LRP1B: variants seen among roughly 807,000 people sequenced by gnomAD.
LRP1B encodes the protein LDL receptor related protein 1B, also known as low-density lipoprotein receptor-related protein 1B.
In LRP1B, 217 loss-of-function variants were observed where a neutral mutation model predicts 556.6. The observed-to-expected ratio is 0.39, with a 90% CI of 0.35 to 0.44. The LOEUF is 0.44. Among genes scored for constraint, LRP1B ranks in the 20% least tolerant of loss-of-function variants. The pLI is 1.00. For synonymous variants in LRP1B, 2,047 were observed against 1,865.8 expected, an observed-to-expected ratio of 1.10 and a Z score of -2.50; for missense variants, 5,053 against 5,620.8, an observed-to-expected ratio of 0.90 and a Z score of 3.23.
At chr2:141,728,103 A>G (rs930170686) in intron 2 of LRP1B, among the ~76,000 whole-genome samples, 2 of 152,148 alleles carry the variant, frequency 1.3e-5, no homozygotes, top group Non-Finnish European at 2.9e-5. Context: ...ACTGAGGGTG[A>G]AATGTTCCGC....
intron 2 of LRP1B, among the ~76,000 whole-genome samples, chr2:141,792,930 G>A (rs1695668060): frequency 6.6e-6 from 1 of 151,896 alleles, no homozygotes; most frequent in South Asian, 2.1e-4. Context: ...GTCTTTCATA[G>A]GCAGTCCATT....
At chr2:140,569,063 A>G (rs188468777) in intron 43 of LRP1B, among the ~76,000 whole-genome samples, 6 of 152,162 alleles carry the variant, frequency 3.9e-5, no homozygotes, top group Admixed American at 2.0e-4. Context: ...AAGCAGATGC[A>G]CAAGATGCAC....
intron 2 of LRP1B, among the ~76,000 whole-genome samples, chr2:141,534,041 AAG>A (rs1050374256): frequency 4.6e-5 from 6 of 130,956 alleles, no homozygotes; most frequent in African/African-American, 1.5e-4. Flanking sequence ...GAGAAGGAAA[AAG>A]AGAAAGAGAG....
At chr2:141,923,390 A>G (rs1700241521) in intron 1 of LRP1B, among the ~76,000 whole-genome samples, 1 of 24,646 alleles carries the variant, frequency 4.1e-5, no homozygotes, top group Non-Finnish European at 8.3e-5. Context: ...TTTTAATGAA[A>G]TTATCTCTGT....
At chr2:141,924,595 T>C (rs1400303901) in intron 1 of LRP1B, among the ~76,000 whole-genome samples, 1 of 152,102 alleles carries the variant, frequency 6.6e-6, no homozygotes, top group Non-Finnish European at 1.5e-5. Context: ...CCCTAGATAC[T>C]ACCATGAGGC....
chr2:140,800,741 G>A lies in LRP1B; in HGVS notation c.5359+12916C>T, dbSNP rs145231760. Among the ~76,000 whole-genome samples, 932 of 151,938 alleles carry A rather than the reference G, an allele frequency of 6.1e-3. 13 individuals are homozygous for A. The highest frequency in any genetic ancestry group is 0.021 in the African/African-American group (876 of 41,428). On this transcript the variant is annotated intron_variant, in intron 32 of 90. Transcript: ENST00000389484. ...TTTGTTTTTGTTTTCCTTCCATTAAGCTATTTATTTTCTATGAAAACAGAC... is the reference window on the plus strand; with the variant it reads ...TTTGTTTTTGTTTTCCTTCCATTAAACTATTTATTTTCTATGAAAACAGAC...
chr2:140,281,580 T>A (rs1682914584), intron 84 of LRP1B, among the ~76,000 whole-genome samples: 1 of 151,880 alleles, frequency 6.6e-6, no homozygotes, highest in South Asian at 2.1e-4. Context: ...CACTTATTGT[T>A]CTACTTCACT....
chr2:140,232,166 C>T lies in LRP1B; in HGVS notation c.*1020G>A, dbSNP rs533173917. ...TCATATTAAATCTTGAAAATATTTGCCAATCACTCTGTATACTAAAATGTC... is the reference window on the plus strand; with the variant it reads ...TCATATTAAATCTTGAAAATATTTGTCAATCACTCTGTATACTAAAATGTC... On this transcript the variant is annotated 3_prime_UTR_variant, in exon 91 of 91. Coordinates refer to ENST00000389484, the MANE Select transcript of LRP1B (RefSeq NM_018557.3). 9 of 150,294 alleles carry T rather than the reference C, an allele frequency of 6.0e-5. No homozygotes were observed. In the South Asian group the frequency reaches 1.3e-3, roughly 21 times the overall value. 9.3% of individuals were successfully genotyped at this position (150,294 alleles called of 1,614,324 possible).
At chr2:141,680,417 C>T (rs752033192) in intron 2 of LRP1B, among the ~76,000 whole-genome samples, 17 of 151,956 alleles carry the variant, frequency 1.1e-4, no homozygotes, top group East Asian at 3.9e-4. Context: ...GAAAAATAAG[C>T]GGGAAACTTC....
At chr2:140,920,960 T>A (rs1370516654) in intron 21 of LRP1B, among the ~76,000 whole-genome samples, 3 of 152,014 alleles carry the variant, frequency 2.0e-5, no homozygotes, top group African/African-American at 7.2e-5. Flanking sequence ...CTCATCATAC[T>A]TCAGATTTAT....
chr2:141,571,403 C>T (rs576694878), intron 2 of LRP1B, among the ~76,000 whole-genome samples: 6 of 139,986 alleles, frequency 4.3e-5, no homozygotes, highest in Non-Finnish European at 6.7e-5. Flanking sequence ...AATGCCCCAA[C>T]GAAAACCTCA....
intron 65 of LRP1B, among the ~76,000 whole-genome samples, chr2:140,443,923 A>G (rs1686539148): frequency 1.3e-5 from 2 of 152,208 alleles, no homozygotes; most frequent in South Asian, 4.1e-4. Flanking sequence ...CATGTATTTC[A>G]TGGAGAAAAC....
chr2:140,812,163 G>A (rs1690950886), intron 32 of LRP1B, among the ~76,000 whole-genome samples: 1 of 152,074 alleles, frequency 6.6e-6, no homozygotes, highest in Admixed American at 6.6e-5. Context: ...CCCAACTAGG[G>A]AAACGTAGAG....
chr2:141,890,495 A>G (rs1017425445), intron 1 of LRP1B, among the ~76,000 whole-genome samples: 2 of 151,538 alleles, frequency 1.3e-5, no homozygotes, highest in African/African-American at 4.8e-5. Flanking sequence ...GCAAGTATAT[A>G]TCATTGACAA....
intron 3 of LRP1B, among the ~76,000 whole-genome samples, chr2:141,282,820 TATA>T (rs1685558322): frequency 6.6e-6 from 1 of 152,144 alleles, no homozygotes; most frequent in Non-Finnish European, 1.5e-5. Context: ...AAAGAAAAAG[TATA>T]AGACTTCTTC....
chr2:141,645,036 T>A (rs990508308), intron 2 of LRP1B, among the ~76,000 whole-genome samples: 7 of 152,082 alleles, frequency 4.6e-5, no homozygotes, highest in African/African-American at 1.7e-4. Flanking sequence ...TTCAAGCTGA[T>A]GATATAATGA....
chr2:141,631,971 G>C (rs1042290725), intron 2 of LRP1B, among the ~76,000 whole-genome samples: 1 of 151,946 alleles, frequency 6.6e-6, no homozygotes, highest in African/African-American at 2.4e-5. Flanking sequence ...GAAAGCAGGG[G>C]CACAATCATG....
intron 4 of LRP1B, among the ~76,000 whole-genome samples, chr2:141,253,896 A>G (rs72855066): frequency 0.02 from 3,099 of 152,100 alleles, 54 homozygotes; most frequent in Middle Eastern, 0.044. Flanking sequence ...AAAGCAATGC[A>G]TTTAACTTTG....
At chr2:141,999,827 T>C (rs1254192133) in intron 1 of LRP1B, among the ~76,000 whole-genome samples, 1 of 151,930 alleles carries the variant, frequency 6.6e-6, no homozygotes, top group South Asian at 2.1e-4. Flanking sequence ...TTGTTTATTT[T>C]CTAATTTCAC....
Sources: allele counts gnomAD v4.1 joint callset (sites outside exome capture counted in the v4.1 genomes callset), GRCh38; gene constraint gnomAD v4.1.1; transcripts MANE v1.5; gene names NCBI Gene and HGNC (gene_info 2026-07-23, HGNC 2026-07-21).